The following PRSS33 variants were observed in gnomAD, a reference collection of about 807,000 sequenced individuals.
The protein encoded by PRSS33 is serine protease 33, also known as protease, serine 33.
A neutral mutation model predicts 26.7 loss-of-function variants in PRSS33; 32 were observed. That is an observed-to-expected ratio of 1.20 (90% CI 0.90 to 1.61). PRSS33 has a LOEUF of 1.61. Ranked by LOEUF, PRSS33 falls within the 40% of genes most tolerant of loss-of-function variation. PRSS33 has a pLI of 0.00. For missense variants in PRSS33, 450 were observed against 396.3 expected, an observed-to-expected ratio of 1.14 and a Z score of -1.15; for synonymous variants, 192 against 177.6, an observed-to-expected ratio of 1.08 and a Z score of -0.64.
In PRSS33 at chr16:2,785,899, A is replaced by G; in HGVS notation, c.142T>C (p.Trp48Arg). The change falls in exon 4 of 7, where the codon TGG (tryptophan) becomes CGG (arginine). Residue 48 changes from tryptophan to arginine, a missense_variant. Physicochemically the swap from Trp to Arg is moderately radical, Grantham distance 101. Transcript: ENST00000682474. ...TGCTGGATGCTCGCCTGCCACGGCC[A>G]CTCTCCGTCCCGGCCATCCCGGCCC... is the stretch of plus-strand genomic sequence containing the variant. ...VGGRDGRDGE[W>R]PWQASIQHRG... is the part of the protein sequence containing the mutation. 1 of 1,610,810 alleles carries G rather than the reference A, an allele frequency of 6.2e-7. No individual in the cohort carries two copies. The highest frequency in any genetic ancestry group is 2.2e-5 in the East Asian group (1 of 44,800).
In PRSS33 at chr16:2,785,463, G is replaced by C; in HGVS notation, c.426C>G (p.Val142=). The change falls in exon 5 of 7, where the codon GTC becomes GTG. Residue 142 remains valine, a synonymous_variant. Coordinates refer to ENST00000682474, the MANE Select transcript of PRSS33 (RefSeq NM_152891.3). Reference sequence around the variant, plus strand: ...CGGGCACGGGCAGGCAGACGGGTTGGACGCGAGCGCTCAGGGGCACCGGGC... The same window carrying C: ...CGGGCACGGGCAGGCAGACGGGTTGCACGCGAGCGCTCAGGGGCACCGGGC... ...LRRPVPLSAR[V]QPVCLPVPGA... is the part of the protein sequence containing the mutation. The C allele has an allele frequency of 6.6e-7, 1 of 1,516,272 alleles. No homozygotes were observed. Among genetic ancestry groups the C allele is most frequent in the Non-Finnish European group, 8.8e-7 (1 of 1,140,630 alleles). The allele number at this position is 1,516,272 out of a possible 1,614,324, so 93.9% of individuals were successfully genotyped here.
In PRSS33 at chr16:2,785,602, C is replaced by A; in HGVS notation, c.287G>T (p.Arg96Leu). The change falls in exon 5 of 7, where the codon CGT becomes CTT. Residue 96 changes from arginine to leucine, a missense_variant. Coordinates refer to ENST00000682474, the MANE Select transcript of PRSS33 (RefSeq NM_152891.3). Reference protein sequence around the residue: ...AEYRVRLGALRLGSTSPRTLS... With the variant: ...AEYRVRLGALLLGSTSPRTLS... Reference sequence around the variant, plus strand: ...CGTGCGGGGCGAGGTGGAGCCCAGACGCAGCGCCCCCAGGCGCACGCGGTA... The same window carrying A: ...CGTGCGGGGCGAGGTGGAGCCCAGAAGCAGCGCCCCCAGGCGCACGCGGTA... 6.6e-7 allele frequency: 1 copy of A among 1,513,714 alleles called. No individual in the cohort carries two copies. The highest frequency in any genetic ancestry group is 8.8e-7 in the Non-Finnish European group (1 of 1,138,402). 93.8% of individuals were successfully genotyped at this position (1,513,714 alleles called of 1,614,324 possible). A position where few individuals can be genotyped will look rare whatever the true frequency, so the allele number is the denominator to read the frequency against.
rs1272358577 is a variant in PRSS33 at position 2,785,835 on chromosome 16, G to T, written c.206C>A (p.Pro69His). Residue 69 changes from proline to histidine, a missense_variant, in exon 4 of 7, where the codon CCC becomes CAC. Transcript: ENST00000682474. Reference protein sequence around the residue: ...AHVCGGSLIAPQWVLTAAHCF... With the variant: ...AHVCGGSLIAHQWVLTAAHCF... ...GTGCGCCGCTGTCAGCACCCACTGG[G>T]GGGCGATGAGCGACCCCCCGCACAC... 6.2e-7 allele frequency: 1 copy of T among 1,606,402 alleles called. No individual in the cohort carries two copies. Among genetic ancestry groups the T allele is most frequent in the Non-Finnish European group, 8.5e-7 (1 of 1,178,606 alleles).
rs1469867820 is a variant in PRSS33, at chr16:2,785,599, A to C, written c.290T>G (p.Leu97Arg). 3 of 1,514,642 alleles carry C rather than the reference A, an allele frequency of 2.0e-6. No homozygotes were observed. The East Asian group carries it at 7.5e-5, about 38-fold the overall frequency. The allele number at this position is 1,514,642 out of a possible 1,614,324, so 93.8% of individuals were successfully genotyped here. A position where few individuals can be genotyped will look rare whatever the true frequency, so the allele number is the denominator to read the frequency against. The change falls in exon 5 of 7, where the codon CTG (leucine) becomes CGG (arginine). Residue 97 changes from leucine to arginine, a missense_variant. Coordinates refer to ENST00000682474, the MANE Select transcript of PRSS33 (RefSeq NM_152891.3). ...EYRVRLGALR[L>R]GSTSPRTLSV... The stretch of plus-strand genomic sequence containing the variant: ...GAGCGTGCGGGGCGAGGTGGAGCCC[A>C]GACGCAGCGCCCCCAGGCGCACGCG...
In PRSS33 at chr16:2,784,350, G is replaced by T; in HGVS notation, c.*294C>A. The T allele has an allele frequency of 3.5e-6, 1 of 285,790 alleles. No individual in the cohort carries two copies. The highest frequency in any genetic ancestry group is 7.0e-5 in the South Asian group (1 of 14,344). 17.7% of individuals were successfully genotyped at this position (285,790 alleles called of 1,614,324 possible). On this transcript the variant is annotated 3_prime_UTR_variant, in exon 7 of 7. Coordinates refer to ENST00000682474, the MANE Select transcript of PRSS33 (RefSeq NM_152891.3). ...GTTTGCCCATCACTGCGTGCCTTGC[G>T]CCCAGCCCTGGCCAGGGCCAAGAAA...
rs1243274945 is a variant in PRSS33 at position 2,784,336 on chromosome 16, A to G, written c.*308T>C. On this transcript the variant is annotated 3_prime_UTR_variant, in exon 7 of 7. Coordinates refer to ENST00000682474, the MANE Select transcript of PRSS33 (RefSeq NM_152891.3). ...ATGGGCAGCAATTGGTTTGCCCATC[A>G]CTGCGTGCCTTGCGCCCAGCCCTGG... 4.2e-6 allele frequency: 1 copy of G among 238,998 alleles called. No individual in the cohort carries two copies. The highest frequency in any genetic ancestry group is 2.3e-5 in the African/African-American group (1 of 44,432). The allele number at this position is 238,998 out of a possible 1,614,324, so 14.8% of individuals were successfully genotyped here.
rs182677077 is a variant in PRSS33, at chr16:2,785,704, C to G, written c.243-58G>C. 1,491 of 1,468,906 alleles carry G rather than the reference C, an allele frequency of 1.0e-3. 18 individuals carry two copies. In the African/African-American group the frequency reaches 0.02, roughly 19 times the overall value. The allele number at this position is 1,468,906 out of a possible 1,614,324, so 91.0% of individuals were successfully genotyped here. A position where few individuals can be genotyped will look rare whatever the true frequency, so the allele number is the denominator to read the frequency against. ...ACCGGGTCCTCGACCCCCTCCAGCC[C>G]GCCTCGACCCCAACGCCTCTGCCAG... On this transcript the variant is annotated intron_variant, in intron 4 of 6. Transcript: ENST00000682474.
At chr16:2,785,995 G>A (rs542631476) in intron 3 of PRSS33, 34 bp from the exon 4 acceptor site, 24 of 1,613,138 alleles carry the variant, frequency 1.5e-5, no homozygotes, top group Non-Finnish European at 2.0e-5. Flanking sequence ...AGGGTTGGCT[G>A]AGGACCTGGG....
At chr16:2,786,642 C>A in intron 1 of PRSS33, 38 bp from the exon 2 acceptor site, 1 of 1,406,900 alleles carries the variant, frequency 7.1e-7, no homozygotes. Flanking sequence ...AGTCCTGGCC[C>A]AGGGGCACCA....
chr16:2,785,241 A>C, intron 5 of PRSS33, 70 bp from the exon 6 acceptor site: 1 of 1,456,818 alleles, frequency 6.9e-7, no homozygotes, highest in Non-Finnish European at 9.2e-7. Flanking sequence ...CTGAGCTCTG[A>C]GTGAGAGGAG....
chr16:2,786,615 C>A lies in PRSS33; in HGVS notation c.-57-11G>T. On this transcript the variant is annotated splice_polypyrimidine_tract_variant and intron_variant, in intron 1 of 6. Coordinates refer to ENST00000682474, the MANE Select transcript of PRSS33 (RefSeq NM_152891.3). ...GGCTTGGACTCTGGTCTGGAGCCAGCAGGGAGAAGAGAGGAGAGTCCTGGC... is the reference window on the plus strand; with the variant it reads ...GGCTTGGACTCTGGTCTGGAGCCAGAAGGGAGAAGAGAGGAGAGTCCTGGC... 6.3e-7 allele frequency: 1 copy of A among 1,581,364 alleles called. No individual in the cohort carries two copies. Among genetic ancestry groups the A allele is most frequent in the Non-Finnish European group, 8.7e-7 (1 of 1,155,062 alleles).
chr16:2,786,592 C>G lies in PRSS33; in HGVS notation c.-45G>C. 6.2e-7 allele frequency: 1 copy of G among 1,609,330 alleles called. No individual in the cohort carries two copies. The highest frequency in any genetic ancestry group is 8.5e-7 in the Non-Finnish European group (1 of 1,177,070). ...TGGGTAAGGGTGGCACTGCCTAGGGCTTGGACTCTGGTCTGGAGCCAGCAG... is the reference window on the plus strand; with the variant it reads ...TGGGTAAGGGTGGCACTGCCTAGGGGTTGGACTCTGGTCTGGAGCCAGCAG... On this transcript the variant is annotated 5_prime_UTR_variant, in exon 2 of 7. Coordinates refer to ENST00000682474, the MANE Select transcript of PRSS33 (RefSeq NM_152891.3).
chr16:2,784,314 G>A lies in PRSS33; in HGVS notation c.*330C>T, dbSNP rs1158649176. ...AAAAGATGGGCACACAGGCCAGATG[G>A]GCAGCAATTGGTTTGCCCATCACTG... On this transcript the variant is annotated 3_prime_UTR_variant, in exon 7 of 7. Transcript: ENST00000682474. The A allele has an allele frequency of 4.8e-6, 1 of 208,576 alleles. No individual in the cohort carries two copies. The highest frequency in any genetic ancestry group is 1.1e-4 in the East Asian group (1 of 8,792). 12.9% of individuals were successfully genotyped at this position (208,576 alleles called of 1,614,324 possible). A position where few individuals can be genotyped will look rare whatever the true frequency, so the allele number is the denominator to read the frequency against.
chr16:2,785,121 C>A lies in PRSS33; in HGVS notation c.565G>T (p.Asp189Tyr). 1 of 1,546,210 alleles carries A rather than the reference C, an allele frequency of 6.5e-7. No homozygotes were observed. The highest frequency in any genetic ancestry group is 8.7e-7 in the Non-Finnish European group (1 of 1,148,256). ...TAGAGGCCGTCGCAGGTGCGCGAGT[C>A]CAGCAGCGGCACCCTTACTCCTTGT... ...PLQGVRVPLL[D>Y]SRTCDGLYHV... The change falls in exon 6 of 7, where the codon GAC (aspartate) becomes TAC (tyrosine). Residue 189 changes from aspartate to tyrosine, a missense_variant. By Grantham distance (160) the Asp-to-Tyr change is radical. Transcript: ENST00000682474.
In PRSS33 at chr16:2,785,812, G is replaced by A; in HGVS notation, c.229C>T (p.His77Tyr). The change falls in exon 4 of 7, where the codon CAC (histidine) becomes TAC (tyrosine). Residue 77 changes from histidine to tyrosine, a missense_variant. His to Tyr is a moderately conservative substitution (Grantham distance 83, BLOSUM62 2). Transcript: ENST00000682474. ...GTGAGCGCTGACCTGGGGAAGCAGT[G>A]CGCCGCTGTCAGCACCCACTGGGGG... ...IAPQWVLTAA[H>Y]CFPRRALPAE... is the part of the protein sequence containing the mutation. 6.2e-7 allele frequency: 1 copy of A among 1,600,112 alleles called. No individual in the cohort carries two copies. The highest frequency in any genetic ancestry group is 1.3e-5 in the African/African-American group (1 of 74,826).
In PRSS33 at chr16:2,784,700, C is replaced by A. The variant is rs771055051; in HGVS notation, c.787G>T (p.Val263Phe). The A allele has an allele frequency of 2.2e-5, 36 of 1,606,288 alleles. No individual in the cohort carries two copies. The highest frequency in any genetic ancestry group is 2.7e-5 in the African/African-American group (2 of 74,648). Reference sequence around the variant, plus strand: ...CTATATGTGGCCACACTGGTGTAGACCCCTGGACGGTTGGGCAGGGCACAA... The same window carrying A: ...CTATATGTGGCCACACTGGTGTAGAACCCTGGACGGTTGGGCAGGGCACAA... Reference protein sequence around the residue: ...KGCALPNRPGVYTSVATYSPW... With the variant: ...KGCALPNRPGFYTSVATYSPW... Residue 263 changes from valine to phenylalanine, a missense_variant, in exon 7 of 7, where the codon GTC (valine) becomes TTC (phenylalanine). Physicochemically the swap from Val to Phe is conservative, Grantham distance 50 (BLOSUM62 -1). Coordinates refer to ENST00000682474, the MANE Select transcript of PRSS33 (RefSeq NM_152891.3).
rs1394856202 is a variant in PRSS33 at position 2,784,869 on chromosome 16, C to T, written c.685-67G>A. Reference sequence around the variant, plus strand: ...CTTCAGTTCTCAGGGTTCCAGACCCCTGGCGTGGTGCCTCTAGGTTGGAGG... The same window carrying T: ...CTTCAGTTCTCAGGGTTCCAGACCCTTGGCGTGGTGCCTCTAGGTTGGAGG... On this transcript the variant is annotated intron_variant, in intron 6 of 6. Coordinates refer to ENST00000682474, the MANE Select transcript of PRSS33 (RefSeq NM_152891.3). The T allele has an allele frequency of 1.1e-5, 17 of 1,536,740 alleles. No homozygotes were observed. The Admixed American group carries it at 2.0e-4, about 18-fold the overall frequency.
chr16:2,786,562 T>A lies in PRSS33; in HGVS notation c.-15A>T. The A allele has an allele frequency of 6.2e-7, 1 of 1,613,158 alleles. No homozygotes were observed. On this transcript the variant is annotated 5_prime_UTR_variant, in exon 2 of 7. Transcript: ENST00000682474. ...ACCCCTCTCATTCTGTCTTCAAGGC[T>A]GGGCTGGGTAAGGGTGGCACTGCCT...
intron 2 of PRSS33, 58 bp from the exon 3 acceptor site, chr16:2,786,179 T>G: frequency 4.1e-6 from 6 of 1,462,558 alleles, no homozygotes; most frequent in Non-Finnish European, 5.8e-6. Context: ...ATAACGGAGT[T>G]GGAGGGGAGG....
Sources: gnomAD v4.1 joint callset for allele counts on GRCh38, gnomAD v4.1.1 for gene constraint, MANE v1.5 for transcripts, NCBI Gene and HGNC (gene_info 2026-07-23, HGNC 2026-07-21) for gene names.